The following KIAA1217 variants were observed in gnomAD, a reference collection of about 807,000 sequenced individuals.
KIAA1217 encodes the protein KIAA1217, also known as sickle tail protein homolog.
KIAA1217 carries 88 observed loss-of-function variants against 163.9 expected under a neutral mutation model. The observed-to-expected ratio is 0.54, with a 90% CI of 0.45 to 0.64. The LOEUF (loss-of-function observed/expected upper bound fraction) is 0.64, where lower values mean the gene tolerates loss of function less well. Among genes scored for constraint, KIAA1217 ranks in the 30% least tolerant of loss-of-function variants. The pLI is 0.00. For missense variants in KIAA1217, 2,372 were observed against 2,475.0 expected (o/e 0.96, Z 0.88); for synonymous variants, 903 against 923.1 (o/e 0.98, Z 0.39).
intron 1 of KIAA1217, among the ~76,000 whole-genome samples, chr10:23,821,619 C>G (rs1393954854): frequency 1.3e-5 from 2 of 152,198 alleles, no homozygotes; most frequent in Non-Finnish European, 2.9e-5. Context: ...TCATGCTCCT[C>G]CATCTACCGA....
intron 1 of KIAA1217, among the ~76,000 whole-genome samples, chr10:23,748,507 G>A (rs969930135): frequency 2.3e-5 from 3 of 131,948 alleles, no homozygotes; most frequent in African/African-American, 3.2e-5. Flanking sequence ...GGAAAGGAGA[G>A]GAGAGGAGAG....
At chr10:23,807,927 C>T (rs1366406227) in intron 1 of KIAA1217, among the ~76,000 whole-genome samples, 1 of 152,168 alleles carries the variant, frequency 6.6e-6, no homozygotes, top group Non-Finnish European at 1.5e-5. Context: ...GAGCTACAGG[C>T]ACCAAGCCAG....
At chr10:24,346,397 A>G (rs187021928) in intron 2 of KIAA1217, among the ~76,000 whole-genome samples, 144 of 151,884 alleles carry the variant, frequency 9.5e-4, no homozygotes, top group African/African-American at 3.3e-3. Context: ...GCATGAACCC[A>G]GGAGGCGGAG....
At chr10:23,781,469 G>T (rs1271849105) in intron 1 of KIAA1217, among the ~76,000 whole-genome samples, 1 of 152,036 alleles carries the variant, frequency 6.6e-6, no homozygotes, top group East Asian at 1.9e-4. Flanking sequence ...AGTTCCTTAT[G>T]TATTTTGGAC....
intron 2 of KIAA1217, among the ~76,000 whole-genome samples, chr10:24,059,253 T>C (rs2060631857): frequency 6.6e-6 from 1 of 152,166 alleles, no homozygotes; most frequent in Admixed American, 6.5e-5. Flanking sequence ...TGTGATCCTT[T>C]TAGTGTGGTG....
chr10:24,493,814 CTG>C (rs2066441329), intron 6 of KIAA1217, among the ~76,000 whole-genome samples: 1 of 152,196 alleles, frequency 6.6e-6, no homozygotes, highest in South Asian at 2.1e-4. Flanking sequence ...TTTGCCCAGT[CTG>C]TAGTTCACTG....
rs114981790 is a variant in KIAA1217 at position 24,508,194 on chromosome 10, C to T, written c.2002-5065C>T. Among the ~76,000 whole-genome samples, 1,396 of 151,998 alleles carry T rather than the reference C, an allele frequency of 9.2e-3. 33 individuals are homozygous for T. The highest frequency in any genetic ancestry group is 0.032 in the African/African-American group (1,343 of 41,466). ...AATACATTATCCTGGGGTTTTATTC[C>T]AGGAATGCAAGATTGTTTTAATACG... On this transcript the variant is annotated intron_variant, in intron 9 of 20. Coordinates refer to ENST00000376454, the MANE Select transcript of KIAA1217 (RefSeq NM_019590.5).
chr10:24,267,046 G>A (rs1333350544), intron 2 of KIAA1217, among the ~76,000 whole-genome samples: 1 of 152,158 alleles, frequency 6.6e-6, no homozygotes, highest in Non-Finnish European at 1.5e-5. Flanking sequence ...CTAGATGGCA[G>A]GAATCCACAA....
At chr10:23,846,104 T>C (rs1433414426) in intron 1 of KIAA1217, among the ~76,000 whole-genome samples, 5 of 152,198 alleles carry the variant, frequency 3.3e-5, no homozygotes, top group Admixed American at 2.6e-4. Context: ...ACTGTTTTGG[T>C]ACCAGTACCA....
At chr10:24,155,019 C>T (rs949403687) in intron 2 of KIAA1217, among the ~76,000 whole-genome samples, 2 of 151,752 alleles carry the variant, frequency 1.3e-5, no homozygotes, top group African/African-American at 4.8e-5. Context: ...TACAGAGTTC[C>T]AGTGTTGCAA....
intron 2 of KIAA1217, among the ~76,000 whole-genome samples, chr10:24,188,522 G>A (rs1260024318): frequency 6.6e-6 from 1 of 152,140 alleles, no homozygotes; most frequent in East Asian, 1.9e-4. Context: ...AGTGATTATT[G>A]TATGTGGAAT....
At chr10:24,345,936 ACT>A (rs1340442083) in intron 2 of KIAA1217, among the ~76,000 whole-genome samples, 16 of 152,042 alleles carry the variant, frequency 1.1e-4, no homozygotes, top group Admixed American at 1.0e-3. Flanking sequence ...TAAAACTGAA[ACT>A]CTATCCATTC....
chr10:24,372,089 A>G (rs1376023887), intron 2 of KIAA1217, among the ~76,000 whole-genome samples: 2 of 152,170 alleles, frequency 1.3e-5, no homozygotes, highest in Non-Finnish European at 2.9e-5. Context: ...TTGAAAACCC[A>G]TTGAATACTA....
chr10:23,743,411 C>G (rs1839226781), intron 1 of KIAA1217, among the ~76,000 whole-genome samples: 1 of 152,166 alleles, frequency 6.6e-6, no homozygotes, highest in Non-Finnish European at 1.5e-5. Flanking sequence ...AAAAAATTCT[C>G]TGGCATTTAA....
At chr10:23,983,589 CA>C (rs1845856636) in intron 1 of KIAA1217, among the ~76,000 whole-genome samples, 1 of 152,126 alleles carries the variant, frequency 6.6e-6, no homozygotes, top group African/African-American at 2.4e-5. Flanking sequence ...GGTGATAAGC[CA>C]TTCATGAGAA....
At chr10:24,145,643 A>G (rs906378293) in intron 2 of KIAA1217, among the ~76,000 whole-genome samples, 2 of 152,230 alleles carry the variant, frequency 1.3e-5, no homozygotes, top group Non-Finnish European at 2.9e-5. Context: ...GCTGAGGAGC[A>G]GAGAAGCCAG....
At chr10:24,356,456 T>G (rs2049119870) in intron 2 of KIAA1217, among the ~76,000 whole-genome samples, 1 of 152,172 alleles carries the variant, frequency 6.6e-6, no homozygotes, top group Non-Finnish European at 1.5e-5. Flanking sequence ...AGGCCTTCCT[T>G]GATAATAACC....
In KIAA1217 at chr10:24,074,988, C is replaced by G. The variant is rs567988232; in HGVS notation, c.-171+67614C>G. 3.9e-5 allele frequency among the ~76,000 whole-genome samples: 6 copies of G among 152,146 alleles called. No individual in the cohort carries two copies. The East Asian group carries it at 1.2e-3, about 30-fold the overall frequency. On this transcript the variant is annotated intron_variant, in intron 2 of 18. Coordinates refer to the KIAA1217 transcript ENST00000376462. ...TGCTGAGATTACAGACATGAGTCAC[C>G]ATGCCCAGCCTGGGATTCTTATTTC...
chr10:24,158,156 T>C, intron 2 of KIAA1217: 1 of 750,398 alleles, frequency 1.3e-6, no homozygotes, highest in South Asian at 1.4e-5. Context: ...ACCTTTAACT[T>C]CAAGAAGACA....
Sources: allele counts gnomAD v4.1 joint callset (sites outside exome capture counted in the v4.1 genomes callset), GRCh38; gene constraint gnomAD v4.1.1; transcripts MANE v1.5; gene names NCBI Gene and HGNC (gene_info 2026-07-23, HGNC 2026-07-21).